The following SULT4A1 variants were observed in gnomAD, a reference collection of about 807,000 sequenced individuals.
The protein encoded by SULT4A1 is sulfotransferase family 4A member 1, also known as sulfotransferase 4A1.
SULT4A1 carries 11 observed loss-of-function variants against 35.2 expected under a neutral mutation model. The ratio of observed to expected loss-of-function variants is 0.31; its 90% CI spans 0.20 to 0.52. The LOEUF is 0.52. Among genes scored for constraint, SULT4A1 ranks in the 20% least tolerant of loss-of-function variants. SULT4A1 has a pLI of 0.97. For synonymous variants in SULT4A1, 152 were observed against 151.8 expected (o/e 1.00, Z -0.01); for missense variants, 271 against 383.7 (o/e 0.71, Z 2.45).
At chr22:43,844,493 G>A (rs540608690) in intron 1 of SULT4A1, among the ~76,000 whole-genome samples, 3 of 152,290 alleles carry the variant, frequency 2.0e-5, no homozygotes, top group South Asian at 2.1e-4. Context: ...TCTGGGAACC[G>A]TCCCTCTAGG....
rs999095527 is a variant in SULT4A1, at chr22:43,836,608, G to A, written c.508+2259C>T. Among the ~76,000 whole-genome samples the A allele has an allele frequency of 3.3e-5, 4 of 120,008 alleles. 1 individual carries two copies. Among genetic ancestry groups the A allele is most frequent in the East Asian group, 2.2e-4 (1 of 4,452 alleles). 78.7% of individuals were successfully genotyped at this position (120,008 alleles called of 152,430 possible). A position where few individuals can be genotyped will look rare whatever the true frequency, so the allele number is the denominator to read the frequency against. On this transcript the variant is annotated intron_variant, in intron 4 of 6. Transcript: ENST00000330884. ...GCCACAGGGACCCTGTCTACACAGCGTCCTCACACTGCAGGTGCCACAGGG... is the reference window on the plus strand; with the variant it reads ...GCCACAGGGACCCTGTCTACACAGCATCCTCACACTGCAGGTGCCACAGGG...
intron 5 of SULT4A1, among the ~76,000 whole-genome samples, chr22:43,830,257 G>A (rs1196069836): frequency 6.6e-6 from 1 of 152,236 alleles, no homozygotes; most frequent in Non-Finnish European, 1.5e-5. Flanking sequence ...AAGAAAAAGG[G>A]TAGCAATGGA....
At chr22:43,860,654 C>T (rs958692128) in intron 1 of SULT4A1, among the ~76,000 whole-genome samples, 1 of 152,082 alleles carries the variant, frequency 6.6e-6, no homozygotes, top group African/African-American at 2.4e-5. Flanking sequence ...AAATCCATCC[C>T]CAGTAGCAGA....
At chr22:43,857,533 T>C (rs2049416177) in intron 1 of SULT4A1, among the ~76,000 whole-genome samples, 3 of 152,104 alleles carry the variant, frequency 2.0e-5, no homozygotes, top group African/African-American at 7.2e-5. Context: ...TCTAAGATAA[T>C]GGCTGAGAAT....
intron 2 of SULT4A1, among the ~76,000 whole-genome samples, chr22:43,840,255 G>A (rs2063415189): frequency 6.7e-6 from 1 of 149,584 alleles, no homozygotes; most frequent in South Asian, 2.2e-4. Context: ...GGGGACCAGA[G>A]GACGAGGGAA....
chr22:43,833,765 C>G, intron 4 of SULT4A1, 31 bp from the exon 5 acceptor site: 1 of 1,544,740 alleles, frequency 6.5e-7, no homozygotes, highest in Non-Finnish European at 8.8e-7. Context: ...GTGAGCCACA[C>G]GGCTGGGCAG....
At chr22:43,827,324 G>A (rs1436342967) in intron 6 of SULT4A1, 3 of 985,272 alleles carry the variant, frequency 3.0e-6, no homozygotes, top group African/African-American at 1.7e-5. Flanking sequence ...AATACCCAAC[G>A]TAACACGGAC....
intron 1 of SULT4A1, among the ~76,000 whole-genome samples, chr22:43,844,456 G>A (rs1236983398): frequency 2.0e-5 from 3 of 152,176 alleles, no homozygotes; most frequent in Non-Finnish European, 4.4e-5. Flanking sequence ...AATCAGCCAC[G>A]CGGCTGAGCC....
At chr22:43,844,083 G>A (rs375026968) in intron 1 of SULT4A1, among the ~76,000 whole-genome samples, 5 of 152,336 alleles carry the variant, frequency 3.3e-5, no homozygotes, top group African/African-American at 7.2e-5. Flanking sequence ...GCTTGCTGGC[G>A]GGGAGAAATC....
intron 1 of SULT4A1, among the ~76,000 whole-genome samples, chr22:43,845,219 G>A (rs1014322182): frequency 6.6e-6 from 1 of 152,146 alleles, no homozygotes; most frequent in African/African-American, 2.4e-5. Context: ...TGAACGTGGT[G>A]ACAGCCCGGA....
In SULT4A1 at chr22:43,850,471, T is replaced by G. The variant is rs181684993; in HGVS notation, c.170-8539A>C. On this transcript the variant is annotated intron_variant, in intron 1 of 6. Transcript: ENST00000330884. Reference sequence around the variant, plus strand: ...CCCAGAGTAGGTAACTGCCTTAGTTTGCTTATTTCATTTTCTATATTGCTA... The same window carrying G: ...CCCAGAGTAGGTAACTGCCTTAGTTGGCTTATTTCATTTTCTATATTGCTA... Among the ~76,000 whole-genome samples the G allele has an allele frequency of 4.6e-4, 70 of 152,324 alleles. No individual in the cohort carries two copies. In the Middle Eastern group the frequency reaches 0.031, roughly 67 times the overall value.
In SULT4A1 at chr22:43,825,975, G is replaced by A; in HGVS notation, c.*26C>T. The stretch of plus-strand genomic sequence containing the variant: ...GGCTAGTAGACTGTCTGGGTATTGT[G>A]AGCATGCAGGTTGTTGTTTCTGTTA... On this transcript the variant is annotated 3_prime_UTR_variant, in exon 7 of 7. Transcript: ENST00000330884. 6.2e-7 allele frequency: 1 copy of A among 1,604,724 alleles called. No individual in the cohort carries two copies. Among genetic ancestry groups the A allele is most frequent in the South Asian group, 1.1e-5 (1 of 90,528 alleles).
At chr22:43,861,286 G>C (rs1450744991) in intron 1 of SULT4A1, among the ~76,000 whole-genome samples, 1 of 152,166 alleles carries the variant, frequency 6.6e-6, no homozygotes. Flanking sequence ...CTGGTCCGGC[G>C]TGACCTTAGA....
At chr22:43,856,236 G>A (rs2049399711) in intron 1 of SULT4A1, among the ~76,000 whole-genome samples, 1 of 152,192 alleles carries the variant, frequency 6.6e-6, no homozygotes, top group African/African-American at 2.4e-5. Context: ...GAGAGGGGCA[G>A]CAAACCGTGT....
Position 43,831,742 on chromosome 22 carries a change from C to A in SULT4A1, c.603+1898G>T, listed in dbSNP as rs6006558. The stretch of plus-strand genomic sequence containing the variant: ...CACCTGACAGGTTCCAAAGAGGCAA[C>A]GCCAAGCTCCGGTGAGGGAGATGAA... On this transcript the variant is annotated intron_variant, in intron 5 of 6. Coordinates refer to ENST00000330884, the MANE Select transcript of SULT4A1 (RefSeq NM_014351.4). 4.1e-3 allele frequency among the ~76,000 whole-genome samples: 628 copies of A among 152,360 alleles called. 8 individuals carry two copies. Among genetic ancestry groups the A allele is most frequent in the African/African-American group, 0.015 (604 of 41,582 alleles).
Position 43,841,820 on chromosome 22 carries a change from C to G in SULT4A1, c.282G>C (p.Pro94=), listed in dbSNP as rs200810567. ...TGGGTACCTTGATGATGTCCAGGCCCGGCTGTGGGTACTCCAGGACCGGGA... is the reference window on the plus strand; with the variant it reads ...TGGGTACCTTGATGATGTCCAGGCCGGGCTGTGGGTACTCCAGGACCGGGA... ...EQLPVLEYPQ[P]GLDIIKELTS... Residue 94 remains proline, a synonymous_variant, in exon 2 of 7, where the codon CCG becomes CCC. Coordinates refer to ENST00000330884, the MANE Select transcript of SULT4A1 (RefSeq NM_014351.4). The G allele has an allele frequency of 2.5e-6, 4 of 1,613,668 alleles. No individual in the cohort carries two copies. Among genetic ancestry groups the G allele is most frequent in the African/African-American group, 2.7e-5 (2 of 75,048 alleles).
chr22:43,862,431 A>ACGAGCC lies in SULT4A1; in HGVS notation c.-50_-49insGGCTCG, dbSNP rs2049484538. 1.0e-6 allele frequency: 1 copy of ACGAGCC among 962,166 alleles called. No individual in the cohort carries two copies. The highest frequency in any genetic ancestry group is 1.2e-6 in the Non-Finnish European group (1 of 815,294). 59.6% of individuals were successfully genotyped at this position (962,166 alleles called of 1,614,324 possible). On this transcript the variant is annotated 5_prime_UTR_variant, in exon 1 of 7. Coordinates refer to ENST00000330884, the MANE Select transcript of SULT4A1 (RefSeq NM_014351.4). ...CGCCGCCTCCCGGCTCGCAGCCCGC[A>ACGAGCC]CGCGCCCGCGCCCGCGCCCGCGCCC...
intron 5 of SULT4A1, among the ~76,000 whole-genome samples, chr22:43,832,987 C>T (rs926719327): frequency 7.9e-5 from 12 of 152,166 alleles, no homozygotes; most frequent in African/African-American, 2.9e-4. Flanking sequence ...TCCCCTACAT[C>T]GACATGGTTT....
intron 4 of SULT4A1, among the ~76,000 whole-genome samples, chr22:43,838,166 C>T (rs1001317997): frequency 1.3e-5 from 2 of 152,242 alleles, no homozygotes; most frequent in Non-Finnish European, 1.5e-5. Context: ...GGTGGCCCAG[C>T]GGGGCAAGAG....
Sources: allele counts gnomAD v4.1 joint callset (sites outside exome capture counted in the v4.1 genomes callset), GRCh38; gene constraint gnomAD v4.1.1; transcripts MANE v1.5; gene names NCBI Gene and HGNC (gene_info 2026-07-23, HGNC 2026-07-21).